The following LLGL1 variants were observed in gnomAD, a reference collection of about 807,000 sequenced individuals.
LLGL1 encodes the protein lethal(2) giant larvae protein homolog 1.
Under a neutral mutation model 110.6 loss-of-function variants are expected in LLGL1, and 58 were observed. That is an observed-to-expected ratio of 0.52 (90% CI 0.42 to 0.65). The LOEUF (loss-of-function observed/expected upper bound fraction) is 0.65, where lower values mean the gene tolerates loss of function less well. Ranked by LOEUF, LLGL1 falls within the 30% of genes least tolerant of loss-of-function variation. LLGL1 has a pLI of 0.00. For synonymous variants in LLGL1, 674 were observed against 607.2 expected, an observed-to-expected ratio of 1.11 and a Z score of -1.62; for missense variants, 1,229 against 1,462.1, an observed-to-expected ratio of 0.84 and a Z score of 2.60.
intron 11 of LLGL1, chr17:18,235,752 T>G: frequency 1.8e-6 from 1 of 568,988 alleles, no homozygotes. Flanking sequence ...AACTGAGCTC[T>G]ACCAAACCCC....
In LLGL1 at chr17:18,237,788, G is replaced by T. The variant is rs747078613; in HGVS notation, c.1904+15G>T. 8.2e-6 allele frequency: 13 copies of T among 1,588,706 alleles called. No homozygotes were observed. Among genetic ancestry groups the T allele is most frequent in the African/African-American group, 1.3e-5 (1 of 74,604 alleles). ...GTGCTGGCCAGGTGTGTGGGGTGGG[G>T]CCGGCTGGGCAGTTGGAGCCCCCAG... On this transcript the variant is annotated intron_variant, in intron 14 of 22. Coordinates refer to ENST00000316843, the MANE Select transcript of LLGL1 (RefSeq NM_004140.4).
chr17:18,230,619 C>T (rs116588262), intron 2 of LLGL1, among the ~76,000 whole-genome samples: 2,912 of 152,254 alleles, frequency 0.019, 94 homozygotes, highest in African/African-American at 0.066. Flanking sequence ...CTCAGTGTCT[C>T]CTTGCCAGCC....
At position 18,237,582 on chromosome 17, in the gene LLGL1, C is replaced by T. The variant is rs562765850; in HGVS notation, c.1713C>T (p.His571=). The T allele has an allele frequency of 1.9e-5, 31 of 1,610,436 alleles. No homozygotes were observed. The highest frequency in any genetic ancestry group is 1.1e-4 in the East Asian group (5 of 44,854). ...GCGAGGGCTTCACATGGAAGGGCCA[C>T]GAGCGGCTGAGCCCACGCACGGGGC... is the stretch of plus-strand genomic sequence containing the variant. ...QDREGFTWKG[H]ERLSPRTGPL... The change falls in exon 14 of 23, where the codon CAC becomes CAT. Residue 571 remains histidine (H), a synonymous_variant. Coordinates refer to ENST00000316843, the MANE Select transcript of LLGL1 (RefSeq NM_004140.4).
At position 18,230,052 on chromosome 17, in the gene LLGL1, G is replaced by A. The variant is rs2047533927; in HGVS notation, c.179+14G>A. ...GGCTGTCAAGATGTATCCTTTGCAG[G>A]ACAGGTGTTCAGGGTCTGTTCAGGA... On this transcript the variant is annotated intron_variant, in intron 2 of 22. Coordinates refer to ENST00000316843, the MANE Select transcript of LLGL1 (RefSeq NM_004140.4). The A allele has an allele frequency of 1.3e-6, 2 of 1,599,148 alleles. No individual in the cohort carries two copies. The highest frequency in any genetic ancestry group is 2.2e-5 in the East Asian group (1 of 44,762).
At position 18,238,549 on chromosome 17, in the gene LLGL1, G is replaced by A. The variant is rs779411587; in HGVS notation, c.2146G>A (p.Asp716Asn). Residue 716 changes from aspartate (D) to asparagine (N), a missense_variant, in exon 16 of 23, where the codon GAT becomes AAT. Transcript: ENST00000316843. ...VQRRIEPRSA[D>N]DSLSGVVRCL... Reference sequence around the variant, plus strand: ...GCGCCGCATTGAGCCCCGCTCTGCCGATGACTCCTTGTCGGGTGTCGTGCG... The same window carrying A: ...GCGCCGCATTGAGCCCCGCTCTGCCAATGACTCCTTGTCGGGTGTCGTGCG... 1.1e-5 allele frequency: 17 copies of A among 1,612,954 alleles called. No homozygotes were observed. Among genetic ancestry groups the A allele is most frequent in the South Asian group, 2.2e-5 (2 of 91,072 alleles).
chr17:18,227,721 G>T (rs2047479518), intron 1 of LLGL1, among the ~76,000 whole-genome samples: 1 of 152,244 alleles, frequency 6.6e-6, no homozygotes, highest in South Asian at 2.1e-4. Flanking sequence ...AGTGAATTGG[G>T]GTGTGCAGTG....
chr17:18,230,963 G>C (rs1490996463), intron 2 of LLGL1, among the ~76,000 whole-genome samples: 5 of 152,304 alleles, frequency 3.3e-5, no homozygotes, highest in African/African-American at 1.2e-4. Context: ...CTGTTGGTGA[G>C]TGTGGCAGTG....
At chr17:18,242,471 A>C (rs959035358) in intron 20 of LLGL1, 37 bp from the exon 21 acceptor site, 4 of 1,612,500 alleles carry the variant, frequency 2.5e-6, no homozygotes, top group Non-Finnish European at 2.5e-6. Context: ...GAGGGTGCTA[A>C]GGGTCCTGGT....
intron 22 of LLGL1, among the ~76,000 whole-genome samples, 196 bp from the exon 23 acceptor site, chr17:18,243,710 CAG>C (rs1478757329): frequency 1.3e-5 from 2 of 152,208 alleles, no homozygotes; most frequent in African/African-American, 4.8e-5. Context: ...TCCCTGGCCT[CAG>C]TGGGGCATAT....
chr17:18,228,346 G>A (rs2047497135), intron 1 of LLGL1, among the ~76,000 whole-genome samples: 1 of 152,208 alleles, frequency 6.6e-6, no homozygotes, highest in South Asian at 2.1e-4. Flanking sequence ...CAGAGGGGCA[G>A]TAGGTGCAAA....
Position 18,241,680 on chromosome 17 carries a change from G to A in LLGL1, c.2732G>A (p.Gly911Asp). 1 of 1,613,570 alleles carries A rather than the reference G, an allele frequency of 6.2e-7. No homozygotes were observed. Among genetic ancestry groups the A allele is most frequent in the Admixed American group, 1.7e-5 (1 of 60,030 alleles). Residue 911 changes from glycine (G) to aspartate (D), a missense_variant, in exon 18 of 23, where the codon GGC (glycine) becomes GAC (aspartate). Transcript: ENST00000316843. ...TGCATCCGGAAGGAGGACATCAGCGGCATCGCTTCGTGCGTCTTTACGCGC... is the reference window on the plus strand; with the variant it reads ...TGCATCCGGAAGGAGGACATCAGCGACATCGCTTCGTGCGTCTTTACGCGC... ...YSCIRKEDIS[G>D]IASCVFTRHG...
chr17:18,236,894 C>T lies in LLGL1; in HGVS notation c.1566C>T (p.Leu522=), dbSNP rs1211997385. 6.2e-7 allele frequency: 1 copy of T among 1,613,860 alleles called. No homozygotes were observed. The highest frequency in any genetic ancestry group is 1.7e-5 in the Admixed American group (1 of 60,008). ...GGCTTGGCGTGCAGAAGGTTGCTCTCTGCAAGTATACAGCCCAGATGGTGG... is the reference window on the plus strand; with the variant it reads ...GGCTTGGCGTGCAGAAGGTTGCTCTTTGCAAGTATACAGCCCAGATGGTGG... The part of the protein sequence containing the change: ...DPRLGVQKVA[L]CKYTAQMVVA... Residue 522 remains leucine (L), a synonymous_variant, in exon 13 of 23, where the codon CTC becomes CTT. Transcript: ENST00000316843.
intron 13 of LLGL1, 199 bp from the exon 14 acceptor site, chr17:18,237,282 A>T (rs1244294855): frequency 4.9e-6 from 3 of 617,206 alleles, no homozygotes; most frequent in Non-Finnish European, 8.5e-6. Context: ...TGTCTTGGTC[A>T]CCACTGTGTT....
intron 2 of LLGL1, among the ~76,000 whole-genome samples, chr17:18,231,410 C>G (rs1318939833): frequency 6.6e-6 from 1 of 152,262 alleles, no homozygotes; most frequent in Non-Finnish European, 1.5e-5. Context: ...GCAACGGCTC[C>G]TGTGTTGTCA....
chr17:18,230,138 G>A lies in LLGL1; in HGVS notation c.179+100G>A, dbSNP rs1479125220. 3.5e-6 allele frequency: 3 copies of A among 862,222 alleles called. No individual in the cohort carries two copies. The African/African-American group carries it at 5.1e-5, about 15-fold the overall frequency. 53.4% of individuals were successfully genotyped at this position (862,222 alleles called of 1,614,324 possible). A position where few individuals can be genotyped will look rare whatever the true frequency, so the allele number is the denominator to read the frequency against. ...AGTCTTGGCAGTGTCCAGCTCGAGA[G>A]GAGGACAGAGGTGCTCTGATGGGCA... On this transcript the variant is annotated intron_variant, in intron 2 of 22. Coordinates refer to ENST00000316843, the MANE Select transcript of LLGL1 (RefSeq NM_004140.4).
At chr17:18,242,910 A>C (rs2047879010) in intron 22 of LLGL1, 88 bp downstream of exon 22, 3 of 1,262,436 alleles carry the variant, frequency 2.4e-6, no homozygotes, top group Middle Eastern at 2.8e-4. Context: ...CTGGTCTTCT[A>C]CCTGAGACCC....
At position 18,244,810 on chromosome 17, in the gene LLGL1, C is replaced by T. The variant is rs370163695; in HGVS notation, c.*904C>T. On this transcript the variant is annotated 3_prime_UTR_variant, in exon 23 of 23. Transcript: ENST00000316843. ...TTTTCTGTCGTTTTGTTAAAATTAGCGCCATTTTAATATTAAAAATACTGA... is the reference window on the plus strand; with the variant it reads ...TTTTCTGTCGTTTTGTTAAAATTAGTGCCATTTTAATATTAAAAATACTGA... 7 of 341,540 alleles carry T rather than the reference C, an allele frequency of 2.0e-5. No individual in the cohort carries two copies. The highest frequency in any genetic ancestry group is 3.7e-5 in the Non-Finnish European group (7 of 191,114). 21.2% of individuals were successfully genotyped at this position (341,540 alleles called of 1,614,324 possible). A position where few individuals can be genotyped will look rare whatever the true frequency, so the allele number is the denominator to read the frequency against.
In LLGL1 at chr17:18,240,314, G is replaced by A. The variant is rs1379751678; in HGVS notation, c.2207-264G>A. Among the ~76,000 whole-genome samples the A allele has an allele frequency of 6.6e-6, 1 of 152,118 alleles. No homozygotes were observed. The highest frequency in any genetic ancestry group is 2.4e-5 in the African/African-American group (1 of 41,396). The stretch of plus-strand genomic sequence containing the variant: ...GCCCATCAGCATTCTGTGCAGATGC[G>A]CTACAGCTGTTCGGGCCTCTGCAGG... On this transcript the variant is annotated intron_variant, in intron 16 of 22. Coordinates refer to ENST00000316843, the MANE Select transcript of LLGL1 (RefSeq NM_004140.4). The surrounding 1 kb of genome is among the most constrained non-coding windows in gnomAD (Gnocchi z 5.3).
In LLGL1 at chr17:18,234,426, C is replaced by G. The variant is rs575001404; in HGVS notation, c.850+18C>G. 17 of 1,609,524 alleles carry G rather than the reference C, an allele frequency of 1.1e-5. No individual in the cohort carries two copies. The East Asian group carries it at 2.9e-4, about 27-fold the overall frequency. On this transcript the variant is annotated intron_variant, in intron 7 of 22. Transcript: ENST00000316843. ...ACCTTACGGTGAGTGCTGGGGACAC[C>G]TTAGCCAGAGGGTGGTGATGGGAGG...
Sources: allele counts gnomAD v4.1 joint callset (sites outside exome capture counted in the v4.1 genomes callset), GRCh38; gene constraint gnomAD v4.1.1; non-coding constraint Gnocchi (gnomAD v3.1); transcripts MANE v1.5; gene names NCBI Gene and HGNC (gene_info 2026-07-23, HGNC 2026-07-21).